SV2A: variants seen among roughly 807,000 people sequenced by gnomAD.
SV2A encodes the protein synaptic vesicle glycoprotein 2A.
A neutral mutation model predicts 78.0 loss-of-function variants in SV2A; 25 were observed. The observed-to-expected ratio is 0.32, with a 90% CI of 0.23 to 0.45. The LOEUF is 0.45. Ranked by LOEUF, SV2A falls within the 20% of genes least tolerant of loss-of-function variation. The pLI, the probability that SV2A is intolerant of heterozygous loss-of-function variation, is 1.00. For synonymous variants in SV2A, 355 were observed against 384.7 expected, an observed-to-expected ratio of 0.92 and a Z score of 0.90; for missense variants, 752 against 971.5, an observed-to-expected ratio of 0.77 and a Z score of 3.00.
chr1:149,910,913 C>T lies in SV2A; in HGVS notation c.868G>A (p.Gly290Arg), dbSNP rs1190181432. The change falls in exon 4 of 13, where the codon GGG becomes AGG. Residue 290 changes from glycine to arginine, a missense_variant. Physicochemically the swap from Gly to Arg is moderately radical, Grantham distance 125. Around this residue, in one of 7 missense-constraint regions of SV2A, gnomAD observed 5 missense variants for 29.0 expected, o/e 0.17. Transcript: ENST00000369146. This position sits in a 1 kb window ranked among gnomAD's most constrained non-coding sequence, Gnocchi z 4.2. ...ATGCAGAGCCAGCTCAAATGCTCCC[C>T]TCGTTTCTCCTGGGCCAGAAACTCG... The part of the protein sequence containing the change: ...FSEFLAQEKR[G>R]EHLSWLCMFW... 1 of 1,614,118 alleles carries T rather than the reference C, an allele frequency of 6.2e-7. No individual in the cohort carries two copies. The highest frequency in any genetic ancestry group is 8.5e-7 in the Non-Finnish European group (1 of 1,180,044).
At position 149,913,477 on chromosome 1, in the gene SV2A, C is replaced by T. The variant is rs2092489535; in HGVS notation, c.364G>A (p.Val122Ile). Residue 122 changes from valine to isoleucine, a missense_variant, in exon 2 of 13, where the codon GTA becomes ATA. Val to Ile is a conservative substitution (Grantham distance 29, BLOSUM62 3). This residue lies in a region of SV2A where 291 missense variants were observed against 359.5 expected (regional missense o/e 0.81). Coordinates refer to ENST00000369146, the MANE Select transcript of SV2A (RefSeq NM_014849.5). ...RMADGAPLAG[V>I]RGGLSDGEGP... is the part of the protein sequence containing the mutation. ...TCCCCATCACTCAAGCCCCCCCTTA[C>T]TCCAGCCAGGGGCGCCCCATCTGCC... is the stretch of plus-strand genomic sequence containing the variant. The T allele has an allele frequency of 1.2e-6, 2 of 1,612,672 alleles. No homozygotes were observed. Among genetic ancestry groups the T allele is most frequent in the Non-Finnish European group, 1.7e-6 (2 of 1,179,546 alleles).
intron 3 of SV2A, among the ~76,000 whole-genome samples, 176 bp from the exon 4 acceptor site, chr1:149,911,153 C>A (rs2092473035): frequency 6.6e-6 from 1 of 152,090 alleles, no homozygotes; most frequent in South Asian, 2.1e-4. Context: ...ATCCTTGGGA[C>A]CATGGGAAAC....
chr1:149,907,055 G>C (rs1371788235), intron 10 of SV2A, 199 bp from the exon 11 acceptor site: 2 of 893,362 alleles, frequency 2.2e-6, no homozygotes, highest in Non-Finnish European at 2.7e-6. Flanking sequence ...ACCATCATCT[G>C]TCCAACAGTG....
chr1:149,910,603 G>T lies in SV2A; in HGVS notation c.1056C>A (p.Thr352=). ...AGAAACGGGGGCTCTCAGGCTGCGT[G>T]GTCAGAGCCCCAATGGCAAACACAG... ...FPSVFAIGAL[T]TQPESPRFFL... Residue 352 remains threonine (T), a synonymous_variant, in exon 5 of 13, where the codon ACC becomes ACA. Transcript: ENST00000369146. This position sits in a 1 kb window ranked among gnomAD's most constrained non-coding sequence, Gnocchi z 4.2. 1 of 1,612,492 alleles carries T rather than the reference G, an allele frequency of 6.2e-7. No homozygotes were observed. Among genetic ancestry groups the T allele is most frequent in the Non-Finnish European group, 8.5e-7 (1 of 1,179,324 alleles).
chr1:149,907,319 C>G (rs1553762903), intron 10 of SV2A, among the ~76,000 whole-genome samples: 1 of 152,128 alleles, frequency 6.6e-6, no homozygotes, highest in Non-Finnish European at 1.5e-5. Flanking sequence ...GTTTGAGAAT[C>G]ACTATTAAAA....
chr1:149,912,047 A>G, intron 2 of SV2A, 67 bp from the exon 3 acceptor site: 3 of 1,497,210 alleles, frequency 2.0e-6, no homozygotes, highest in Non-Finnish European at 2.7e-6. Flanking sequence ...CCAGGAGATG[A>G]GCACTGAGGG....
intron 1 of SV2A, among the ~76,000 whole-genome samples, chr1:149,915,150 G>T (rs1291310137): frequency 1.3e-5 from 2 of 152,064 alleles, no homozygotes; most frequent in African/African-American, 4.8e-5. Flanking sequence ...TTTTAACTGG[G>T]GATAATTAAA....
intron 2 of SV2A, among the ~76,000 whole-genome samples, chr1:149,912,843 A>T (rs2092484226): frequency 6.9e-6 from 1 of 144,350 alleles, no homozygotes; most frequent in African/African-American, 2.5e-5. Flanking sequence ...GAGTTTGGAT[A>T]CTGGCTTCTT....
rs139928621 is a variant in SV2A at position 149,908,191 on chromosome 1, G to A, written c.1395C>T (p.Thr465=). The A allele has an allele frequency of 1.5e-5, 25 of 1,613,884 alleles. No homozygotes were observed. Among genetic ancestry groups the A allele is most frequent in the Middle Eastern group, 1.6e-4 (1 of 6,084 alleles). Residue 465 remains threonine, a synonymous_variant, in exon 9 of 13, where the codon ACC becomes ACT. Transcript: ENST00000369146. ...GGCGGATCATGTCAGGAAACCAGACGGTCAGGCCATAGTAGCTGAAGAGTC... is the reference window on the plus strand; with the variant it reads ...GGCGGATCATGTCAGGAAACCAGACAGTCAGGCCATAGTAGCTGAAGAGTC... The part of the protein sequence containing the change: ...FTMSFSYYGL[T]VWFPDMIRHL...
At chr1:149,911,007 G>A (rs781899271) in intron 3 of SV2A, 30 bp from the exon 4 acceptor site, 8 of 1,605,734 alleles carry the variant, frequency 5.0e-6, no homozygotes, top group Non-Finnish European at 6.8e-6. Flanking sequence ...TTCAGCATTA[G>A]CAAATGGCCA....
chr1:149,916,973 A>G lies in SV2A; in HGVS notation c.-348+766T>C, dbSNP rs587721291. On this transcript the variant is annotated intron_variant, in intron 1 of 12. Coordinates refer to ENST00000369146, the MANE Select transcript of SV2A (RefSeq NM_014849.5). ...GACGCAGGGAGAGACCTCCGCATGC[A>G]CAGACATAGAGACCGCCCCTATCAG... is the stretch of plus-strand genomic sequence containing the variant. Among the ~76,000 whole-genome samples the G allele has an allele frequency of 1.1e-4, 16 of 152,150 alleles. No individual in the cohort carries two copies. The South Asian group carries it at 3.3e-3, about 32-fold the overall frequency.
chr1:149,907,073 GT>G, intron 10 of SV2A: 2 of 800,938 alleles, frequency 2.5e-6, no homozygotes, highest in Non-Finnish European at 3.0e-6. Flanking sequence ...GTGTGACTTT[GT>G]CCAAGTTCTC....
intron 2 of SV2A, among the ~76,000 whole-genome samples, chr1:149,912,858 C>T (rs1478280737): frequency 3.3e-5 from 5 of 150,424 alleles, no homozygotes; most frequent in African/African-American, 1.2e-4. Flanking sequence ...CTTCTTGTTC[C>T]CCAATCAGTG....
At chr1:149,905,476 C>T (rs1184707420) in intron 12 of SV2A, 23 of 291,710 alleles carry the variant, frequency 7.9e-5, no homozygotes, top group East Asian at 7.0e-4. Flanking sequence ...TTTTTTGAGA[C>T]GGAGTCTTGC....
At chr1:149,912,737 G>A (rs2092482889) in intron 2 of SV2A, among the ~76,000 whole-genome samples, 1 of 152,032 alleles carries the variant, frequency 6.6e-6, no homozygotes, top group Non-Finnish European at 1.5e-5. Context: ...TCCCATCTGA[G>A]TGAGAGAAAG....
intron 11 of SV2A, 109 bp from the exon 12 acceptor site, chr1:149,906,148 T>C (rs2092436706): frequency 7.6e-6 from 10 of 1,321,570 alleles, no homozygotes; most frequent in Non-Finnish European, 1.0e-5. Context: ...TGAGACTTGT[T>C]CCGAAGGTAT....
At chr1:149,916,005 A>T (rs1553764503) in intron 1 of SV2A, among the ~76,000 whole-genome samples, 1 of 152,156 alleles carries the variant, frequency 6.6e-6, no homozygotes, top group Non-Finnish European at 1.5e-5. Flanking sequence ...TCCCCTCAGG[A>T]CAGATGTAAG....
At chr1:149,916,863 A>G (rs1236269129) in intron 1 of SV2A, among the ~76,000 whole-genome samples, 2 of 152,090 alleles carry the variant, frequency 1.3e-5, no homozygotes, top group Admixed American at 6.6e-5. Flanking sequence ...GGTTAGGAAG[A>G]TAGGAGCACC....
In SV2A at chr1:149,908,111, A is replaced by G; in HGVS notation, c.1475T>C (p.Val492Ala). The change falls in exon 9 of 13, where the codon GTA (valine) becomes GCA (alanine). Residue 492 changes from valine (V) to alanine (A), a missense_variant. By Grantham distance (64) the Val-to-Ala change is moderately conservative (BLOSUM62 0). Transcript: ENST00000369146. ...SRTKVFPGER[V>A]EHVTFNFTLE... ...CGTGAAGTTAAAAGTTACATGCTCT[A>G]CGCGCTCCCCGGGGAACACTTTGGT... The G allele has an allele frequency of 1.2e-6, 2 of 1,614,094 alleles. No individual in the cohort carries two copies. The highest frequency in any genetic ancestry group is 1.7e-6 in the Non-Finnish European group (2 of 1,180,028).
Sources: gnomAD v4.1 joint callset for allele counts (sites outside exome capture counted in the v4.1 genomes callset) on GRCh38, gnomAD v4.1.1 for gene constraint, gnomAD v4.1.1 regional missense constraint, Gnocchi (gnomAD v3.1) non-coding constraint, MANE v1.5 for transcripts, NCBI Gene and HGNC (gene_info 2026-07-23, HGNC 2026-07-21) for gene names.